The following CLDN14 variants were observed in gnomAD, a reference collection of about 807,000 sequenced individuals.
CLDN14 encodes the protein claudin 14.
Under a neutral mutation model 2.1 loss-of-function variants are expected in CLDN14, and 2 were observed. That is an observed-to-expected ratio of 0.96 (90% CI 0.39 to 3.01). The LOEUF (loss-of-function observed/expected upper bound fraction) is 3.01. Ranked by LOEUF, CLDN14 falls within the 30% of genes most tolerant of loss-of-function variation. CLDN14 has a pLI of 0.09. For synonymous variants in CLDN14, 136 were observed against 154.4 expected (o/e 0.88, Z 0.88); for missense variants, 298 against 328.0 (o/e 0.91, Z 0.71).
intron 1 of CLDN14, among the ~76,000 whole-genome samples, chr21:36,524,557 C>A (rs2087308603): frequency 6.6e-6 from 1 of 152,230 alleles, no homozygotes; most frequent in African/African-American, 2.4e-5. Context: ...GATACCGACC[C>A]TGAGCTCCAC....
At chr21:36,490,987 C>T (rs939665401) in intron 2 of CLDN14, among the ~76,000 whole-genome samples, 1 of 150,804 alleles carries the variant, frequency 6.6e-6, no homozygotes, top group African/African-American at 2.4e-5. Flanking sequence ...CACACACACA[C>T]ACCCCTGGAC....
rs1368265484 is a variant in CLDN14, at chr21:36,551,515, A to G, written c.-220+24896T>C. 9.9e-5 allele frequency among the ~76,000 whole-genome samples: 15 copies of G among 152,152 alleles called. No homozygotes were observed. Among genetic ancestry groups the G allele is most frequent in the Admixed American group, 9.2e-4 (14 of 15,278 alleles). On this transcript the variant is annotated intron_variant, in intron 1 of 2. Coordinates refer to the CLDN14 transcript ENST00000342108. The surrounding 1 kb of genome is among the most constrained non-coding windows in gnomAD (Gnocchi z 4.8). Reference sequence around the variant, plus strand: ...AGGGTGGCTGGCACAGGGTAGGGGTACCACAAATAACTGTTGGAGTGTAGC... The same window carrying G: ...AGGGTGGCTGGCACAGGGTAGGGGTGCCACAAATAACTGTTGGAGTGTAGC...
intron 1 of CLDN14, among the ~76,000 whole-genome samples, chr21:36,575,839 G>A (rs2087737871): frequency 1.3e-5 from 2 of 152,176 alleles, no homozygotes; most frequent in South Asian, 2.1e-4. Context: ...AGCATCACCC[G>A]CCTTCCAGGG....
intron 1 of CLDN14, among the ~76,000 whole-genome samples, chr21:36,512,235 G>A (rs1468847463): frequency 6.6e-6 from 1 of 152,168 alleles, no homozygotes; most frequent in Non-Finnish European, 1.5e-5. Context: ...CCCATGTTAG[G>A]AGGTTGACTT....
At chr21:36,530,253 C>T (rs1191478294) in intron 1 of CLDN14, among the ~76,000 whole-genome samples, 1 of 151,590 alleles carries the variant, frequency 6.6e-6, no homozygotes, top group Non-Finnish European at 1.5e-5. Context: ...AATGAAGACA[C>T]AGCCTGGATT....
In CLDN14 at chr21:36,574,992, G is replaced by A. The variant is rs953747397; in HGVS notation, c.-220+1419C>T. 2.0e-5 allele frequency among the ~76,000 whole-genome samples: 3 copies of A among 152,132 alleles called. No individual in the cohort carries two copies. The East Asian group carries it at 5.8e-4, about 29-fold the overall frequency. ...TTAAGAAACAAAATTGCATTTAGCA[G>A]TAAAAATCAAACTGAAAAACAGACA... On this transcript the variant is annotated intron_variant, in intron 1 of 2. Coordinates refer to the CLDN14 transcript ENST00000342108.
upstream of CLDN14, among the ~76,000 whole-genome samples, chr21:36,483,000 T>C (rs188661869): frequency 1.3e-5 from 2 of 152,298 alleles, no homozygotes; most frequent in African/African-American, 4.8e-5. Flanking sequence ...TTAACCTCAT[T>C]TTATGGATGG....
At chr21:36,557,422 C>T (rs185117184) in intron 1 of CLDN14, among the ~76,000 whole-genome samples, 11 of 152,006 alleles carry the variant, frequency 7.2e-5, no homozygotes, top group African/African-American at 2.2e-4. Flanking sequence ...AGTGAACAAG[C>T]GTTCCAACTT....
chr21:36,575,910 A>G (rs2087738462), intron 1 of CLDN14, among the ~76,000 whole-genome samples: 1 of 152,208 alleles, frequency 6.6e-6, no homozygotes, highest in Non-Finnish European at 1.5e-5. Context: ...GACTGTAACG[A>G]CATTTCTGCA....
rs2086563574 is a variant in CLDN14, at chr21:36,461,118, G to A, written c.578C>T (p.Pro193Leu). 4.3e-6 allele frequency: 7 copies of A among 1,614,114 alleles called. No individual in the cohort carries two copies. In the East Asian group the frequency reaches 1.6e-4, roughly 36 times the overall value. ...LSCQDEAPYR[P>L]YQAPPRATTT... ...GGTGGCCCTGGGCGGGGCCTGGTAG[G>A]GCCTGTAGGGTGCCTCGTCCTGGCA... The change falls in exon 2 of 2, where the codon CCC becomes CTC. Residue 193 changes from proline (P) to leucine (L), a missense_variant. Physicochemically the swap from Pro to Leu is moderately conservative, Grantham distance 98. Transcript: ENST00000399135.
intron 1 of CLDN14, among the ~76,000 whole-genome samples, chr21:36,471,970 TTAATGA>T (rs2086715874): frequency 6.6e-6 from 1 of 152,240 alleles, no homozygotes; most frequent in African/African-American, 2.4e-5. Flanking sequence ...CAGTTAGTTG[TTAATGA>T]TAAGAGTAAA....
chr21:36,554,770 T>C (rs550385637), intron 1 of CLDN14, among the ~76,000 whole-genome samples: 2 of 152,236 alleles, frequency 1.3e-5, no homozygotes, highest in African/African-American at 2.4e-5. Flanking sequence ...CAGAGGAGGA[T>C]GCCACGGGAT....
intron 1 of CLDN14, among the ~76,000 whole-genome samples, chr21:36,563,449 T>C (rs1410948040): frequency 6.6e-6 from 1 of 152,004 alleles, no homozygotes; most frequent in Non-Finnish European, 1.5e-5. Flanking sequence ...TGCAAGTCAA[T>C]GTGCTGTAAA....
chr21:36,542,051 A>G lies in CLDN14; in HGVS notation c.-219-31551T>C, dbSNP rs2087493410. Among the ~76,000 whole-genome samples, 3 of 152,146 alleles carry G rather than the reference A, an allele frequency of 2.0e-5. No homozygotes were observed. In the South Asian group the frequency reaches 6.2e-4, roughly 32 times the overall value. ...CCGCTCACTGCATCCTTTGCTTCCC[A>G]GGTTCAAGGGATTCTCCTGCCTCAG... On this transcript the variant is annotated intron_variant, in intron 1 of 2. Coordinates refer to the CLDN14 transcript ENST00000342108.
At chr21:36,554,247 G>T (rs1348677394) in intron 1 of CLDN14, among the ~76,000 whole-genome samples, 1 of 152,104 alleles carries the variant, frequency 6.6e-6, no homozygotes, top group African/African-American at 2.4e-5. Flanking sequence ...TGGGCTCGGC[G>T]GTGCCTCCTG....
Position 36,499,430 on chromosome 21 carries a change from C to T in CLDN14, c.-82+10933G>A, listed in dbSNP as rs2087072437. Among the ~76,000 whole-genome samples, 1 of 152,084 alleles carries T rather than the reference C, an allele frequency of 6.6e-6. No homozygotes were observed. Among genetic ancestry groups the T allele is most frequent in the Non-Finnish European group, 1.5e-5 (1 of 68,020 alleles). ...GCCTTTTTGTTTTATGGGCTGGGTT[C>T]CTACAGAGAGTTATGAATGGAGGAT... On this transcript the variant is annotated intron_variant, in intron 2 of 2. Transcript: ENST00000342108. The surrounding 1 kb of genome is among the most constrained non-coding windows in gnomAD (Gnocchi z 4.7).
At chr21:36,470,008 A>G (rs1038356525) in intron 1 of CLDN14, among the ~76,000 whole-genome samples, 16 of 152,214 alleles carry the variant, frequency 1.1e-4, no homozygotes, top group Non-Finnish European at 2.4e-4. Flanking sequence ...TGAGATTAAA[A>G]AAAATACTAG....
At chr21:36,562,989 A>C (rs367607798) in intron 1 of CLDN14, among the ~76,000 whole-genome samples, 5 of 152,234 alleles carry the variant, frequency 3.3e-5, no homozygotes, top group African/African-American at 9.6e-5. Context: ...ACCTTCATCT[A>C]AACATGAACT....
At chr21:36,525,355 G>A (rs777259094) in intron 1 of CLDN14, among the ~76,000 whole-genome samples, 3 of 151,070 alleles carry the variant, frequency 2.0e-5, no homozygotes, top group Non-Finnish European at 4.4e-5. Context: ...GAAGGATGAA[G>A]AGGATGGAAG....
Sources: gnomAD v4.1 joint callset for allele counts (sites outside exome capture counted in the v4.1 genomes callset) on GRCh38, gnomAD v4.1.1 for gene constraint, Gnocchi (gnomAD v3.1) non-coding constraint, MANE v1.5 for transcripts, NCBI Gene and HGNC (gene_info 2026-07-23, HGNC 2026-07-21) for gene names.